MEGF11: variants seen among roughly 807,000 people sequenced by gnomAD.
The protein encoded by MEGF11 is multiple EGF like domains 11, also known as multiple epidermal growth factor-like domains protein 11.
A neutral mutation model predicts 146.6 loss-of-function variants in MEGF11; 126 were observed. The observed-to-expected ratio is 0.86, with a 90% CI of 0.74 to 1.00. MEGF11 has a LOEUF of 1.00. Ranked by LOEUF, MEGF11 falls within the 50% of genes least tolerant of loss-of-function variation. MEGF11 has a pLI of 0.00. For missense variants in MEGF11, 1,509 were observed against 1,521.2 expected (o/e 0.99, Z 0.13); for synonymous variants, 532 against 583.4 (o/e 0.91, Z 1.27).
At chr15:66,123,097 G>C (rs1190911698) in intron 3 of MEGF11, among the ~76,000 whole-genome samples, 1 of 152,128 alleles carries the variant, frequency 6.6e-6, no homozygotes. Context: ...TATTAAGTTT[G>C]ATGAGTACAC....
At position 66,025,616 on chromosome 15, in the gene MEGF11, A is replaced by G. The variant is rs148354916; in HGVS notation, c.395-43128T>C. Among the ~76,000 whole-genome samples the G allele has an allele frequency of 4.9e-3, 737 of 151,658 alleles. 9 individuals carry two copies. Among genetic ancestry groups the G allele is most frequent in the African/African-American group, 0.017 (697 of 41,300 alleles). ...CTTAACCTATAATATGGGAATGATG[A>G]TGAAACCTGCCACCCAGATCCACTC... On this transcript the variant is annotated intron_variant, in intron 5 of 25. Coordinates refer to ENST00000395614, the MANE Select transcript of MEGF11 (RefSeq NM_001385028.1).
At chr15:66,231,694 C>T (rs2091970728) in intron 1 of MEGF11, among the ~76,000 whole-genome samples, 1 of 152,228 alleles carries the variant, frequency 6.6e-6, no homozygotes, top group African/African-American at 2.4e-5. Context: ...GGCAGCTTCA[C>T]AGGCCCTTTG....
At chr15:65,903,747 C>T (rs542595565) in intron 24 of MEGF11, among the ~76,000 whole-genome samples, 13 of 152,294 alleles carry the variant, frequency 8.5e-5, no homozygotes, top group Admixed American at 2.0e-4. Flanking sequence ...GCTAGACTAG[C>T]TTATTAAGTG....
intron 3 of MEGF11, among the ~76,000 whole-genome samples, chr15:66,123,078 T>C (rs545325102): frequency 7.2e-5 from 11 of 152,306 alleles, no homozygotes; most frequent in South Asian, 4.2e-4. Flanking sequence ...CCACCGTGCC[T>C]GGCCAGATTA....
In MEGF11 at chr15:65,930,878, G is replaced by C; in HGVS notation, c.1353C>G (p.Ser451Arg). 6.2e-7 allele frequency: 1 copy of C among 1,611,854 alleles called. No homozygotes were observed. Among genetic ancestry groups the C allele is most frequent in the South Asian group, 1.1e-5 (1 of 90,574 alleles). Residue 451 changes from serine to arginine, a missense_variant, in exon 11 of 26, where the codon AGC becomes AGG. Ser to Arg is a moderately radical substitution (Grantham distance 110, BLOSUM62 -1). Coordinates refer to ENST00000395614, the MANE Select transcript of MEGF11 (RefSeq NM_001385028.1). ...TYGPNCSSIC[S>R]CNNGGTCSPV... ...GGGAGCAGGTGCCACCATTGTTACAGCTACAGATGGACGAGCAGTTGGGGC... is the reference window on the plus strand; with the variant it reads ...GGGAGCAGGTGCCACCATTGTTACACCTACAGATGGACGAGCAGTTGGGGC...
chr15:66,121,300 C>T (rs372386939), intron 3 of MEGF11, among the ~76,000 whole-genome samples: 8 of 152,190 alleles, frequency 5.3e-5, no homozygotes, highest in Admixed American at 1.3e-4. Flanking sequence ...TGACCAGGGC[C>T]GCAAGCAGCC....
At chr15:66,112,469 G>T (rs1272710031) in intron 4 of MEGF11, among the ~76,000 whole-genome samples, 4 of 152,180 alleles carry the variant, frequency 2.6e-5, no homozygotes, top group African/African-American at 4.8e-5. Context: ...GACTGAAAAT[G>T]AGAACTTAGG....
intron 24 of MEGF11, among the ~76,000 whole-genome samples, chr15:65,903,838 C>T (rs1366287774): frequency 1.3e-5 from 2 of 152,218 alleles, no homozygotes; most frequent in East Asian, 3.8e-4. Flanking sequence ...TGAACTGTGA[C>T]ATCATATTTT....
At chr15:66,223,449 CA>C (rs2091781289) in intron 1 of MEGF11, among the ~76,000 whole-genome samples, 1 of 151,792 alleles carries the variant, frequency 6.6e-6, no homozygotes, top group African/African-American at 2.4e-5. Context: ...GTGCATACAC[CA>C]AAAACCATTG....
intron 5 of MEGF11, among the ~76,000 whole-genome samples, chr15:66,050,682 T>C (rs746717222): frequency 2.0e-5 from 3 of 152,196 alleles, no homozygotes; most frequent in Admixed American, 6.5e-5. Flanking sequence ...AGAGTAGCTA[T>C]TGGGATTAGA....
chr15:66,100,832 A>G (rs2086761444), intron 4 of MEGF11, among the ~76,000 whole-genome samples: 1 of 99,880 alleles, frequency 1.0e-5, no homozygotes, highest in Non-Finnish European at 1.8e-5. Context: ...CGGCACCTGA[A>G]TGAGTGAGTG....
rs1596951634 is a variant in MEGF11, at chr15:65,982,624, G to A, written c.395-136C>T. 1 of 1,081,768 alleles carries A rather than the reference G, an allele frequency of 9.2e-7. No individual in the cohort carries two copies. The highest frequency in any genetic ancestry group is 1.7e-5 in the African/African-American group (1 of 60,326). 67.0% of individuals were successfully genotyped at this position (1,081,768 alleles called of 1,614,324 possible). A position where few individuals can be genotyped will look rare whatever the true frequency, so the allele number is the denominator to read the frequency against. Reference sequence around the variant, plus strand: ...GACAGGTGGCAGCAAGGGGTGCCTGGAAGCTTTGGTGCCTCATAACCTGCA... The same window carrying A: ...GACAGGTGGCAGCAAGGGGTGCCTGAAAGCTTTGGTGCCTCATAACCTGCA... On this transcript the variant is annotated intron_variant, in intron 5 of 25. Coordinates refer to ENST00000395614, the MANE Select transcript of MEGF11 (RefSeq NM_001385028.1). This position sits in a 1 kb window ranked among gnomAD's most constrained non-coding sequence, Gnocchi z 5.6.
At chr15:66,000,211 G>A (rs868707242) in intron 5 of MEGF11, among the ~76,000 whole-genome samples, 7 of 152,164 alleles carry the variant, frequency 4.6e-5, no homozygotes, top group Admixed American at 1.3e-4. Flanking sequence ...GCAGCCTCTG[G>A]TGTGTAAAGG....
intron 1 of MEGF11, among the ~76,000 whole-genome samples, chr15:66,210,346 G>C (rs2091412563): frequency 6.6e-6 from 1 of 152,232 alleles, no homozygotes; most frequent in African/African-American, 2.4e-5. Flanking sequence ...GCACCTGAGA[G>C]TGAGTGCTTC....
At chr15:66,042,548 A>T (rs1454690736) in intron 5 of MEGF11, among the ~76,000 whole-genome samples, 8 of 152,124 alleles carry the variant, frequency 5.3e-5, no homozygotes, top group African/African-American at 1.9e-4. Context: ...GTTTCCCAGC[A>T]CTGCTGTAAA....
At chr15:66,163,853 C>T (rs1329322716) in intron 1 of MEGF11, among the ~76,000 whole-genome samples, 1 of 152,224 alleles carries the variant, frequency 6.6e-6, no homozygotes, top group African/African-American at 2.4e-5. Context: ...CCCGCATGCA[C>T]ACGAGGCACA....
chr15:66,016,359 ACATGGTTCAATGAATT>A (rs200617053), intron 5 of MEGF11, among the ~76,000 whole-genome samples: 2,953 of 152,286 alleles, frequency 0.019, 49 homozygotes, highest in Non-Finnish European at 0.029. Flanking sequence ...TGCCTCATTT[ACATGGTTCAATGAATT>A]TTATGTGAGA....
At chr15:66,124,127 T>C (rs2088206411) in intron 2 of MEGF11, 127 bp from the exon 3 acceptor site, 4 of 710,238 alleles carry the variant, frequency 5.6e-6, no homozygotes, top group Non-Finnish European at 9.8e-6. Flanking sequence ...GGCTCTGACC[T>C]CCCCCCTCCC....
At chr15:66,148,886 A>C (rs183915247) in intron 1 of MEGF11, among the ~76,000 whole-genome samples, 2 of 152,324 alleles carry the variant, frequency 1.3e-5, no homozygotes, top group Admixed American at 6.5e-5. Flanking sequence ...GGGTCCCCCA[A>C]ATGGCTGATT....
Sources: allele counts gnomAD v4.1 joint callset (sites outside exome capture counted in the v4.1 genomes callset), GRCh38; gene constraint gnomAD v4.1.1; non-coding constraint Gnocchi (gnomAD v3.1); transcripts MANE v1.5; gene names NCBI Gene and HGNC (gene_info 2026-07-23, HGNC 2026-07-21).